The following SVOP variants were observed in gnomAD, a reference collection of about 807,000 sequenced individuals.
SVOP encodes the protein synaptic vesicle 2-related protein.
SVOP carries 17 observed loss-of-function variants against 69.1 expected under a neutral mutation model. The observed-to-expected ratio is 0.25, with a 90% CI of 0.17 to 0.37. The LOEUF is 0.37. SVOP is among the 10% of genes least tolerant of loss of function. The pLI is 1.00. For synonymous variants in SVOP, 238 were observed against 238.6 expected, an observed-to-expected ratio of 1.00 and a Z score of 0.02; for missense variants, 435 against 597.5, an observed-to-expected ratio of 0.73 and a Z score of 2.84.
At chr12:108,953,465 TAA>T (rs917398048) in intron 6 of SVOP, among the ~76,000 whole-genome samples, 2 of 152,224 alleles carry the variant, frequency 1.3e-5, no homozygotes, top group Non-Finnish European at 2.9e-5. Flanking sequence ...CATTTATACT[TAA>T]AATTCAGAGT....
chr12:108,927,172 T>C (rs966616498), intron 11 of SVOP, among the ~76,000 whole-genome samples: 2 of 152,146 alleles, frequency 1.3e-5, no homozygotes, highest in African/African-American at 4.8e-5. Context: ...GGAACTGGTG[T>C]AGGAAAATGC....
chr12:108,978,289 C>G (rs1200635218), intron 3 of SVOP: 1 of 347,226 alleles, frequency 2.9e-6, no homozygotes, highest in Non-Finnish European at 5.2e-6. Flanking sequence ...GAGAGCTCTA[C>G]AGCTGACATC....
chr12:108,964,611 G>A (rs150573605), intron 5 of SVOP, among the ~76,000 whole-genome samples: 1 of 152,232 alleles, frequency 6.6e-6, no homozygotes, highest in East Asian at 1.9e-4. Flanking sequence ...CAAAATGAGG[G>A]CTCAGCAACC....
intron 8 of SVOP, among the ~76,000 whole-genome samples, chr12:108,940,127 A>G (rs2039882160): frequency 6.6e-6 from 1 of 152,182 alleles, no homozygotes; most frequent in Non-Finnish European, 1.5e-5. Context: ...TATTGGGAGG[A>G]ATAAATATGA....
At chr12:108,953,015 G>A (rs2039965078) in intron 6 of SVOP, among the ~76,000 whole-genome samples, 2 of 152,028 alleles carry the variant, frequency 1.3e-5, no homozygotes, top group Admixed American at 1.3e-4. Flanking sequence ...CACTTGGTAA[G>A]CTCCATTATT....
At chr12:108,964,176 G>A (rs1208970719) in intron 5 of SVOP, among the ~76,000 whole-genome samples, 2 of 151,848 alleles carry the variant, frequency 1.3e-5, no homozygotes, top group South Asian at 2.1e-4. Flanking sequence ...GCAACATAGC[G>A]AGACCCTTGG....
At chr12:108,936,769 GC>G (rs2039858625) in intron 10 of SVOP, among the ~76,000 whole-genome samples, 1 of 152,138 alleles carries the variant, frequency 6.6e-6, no homozygotes, top group African/African-American at 2.4e-5. Context: ...GAGCCACCAT[GC>G]CCAGCCAGCC....
chr12:108,952,349 C>T (rs1417016130), intron 6 of SVOP, among the ~76,000 whole-genome samples: 1 of 151,268 alleles, frequency 6.6e-6, no homozygotes, highest in African/African-American at 2.4e-5. Flanking sequence ...ATTCTCCTGC[C>T]TCAGCCTCCC....
At chr12:108,960,834 C>T (rs2040013926) in intron 6 of SVOP, 89 bp downstream of exon 6, 1 of 1,458,414 alleles carries the variant, frequency 6.9e-7, no homozygotes, top group South Asian at 1.4e-5. Context: ...CCTGCTGCCC[C>T]ATCTCAGCCC....
Position 108,912,471 on chromosome 12 carries a change from G to T in SVOP, c.*64C>A. ...GTCGGCAGTGACAATCAGTGCCCCA[G>T]TTGGGGCCTGCCAGCCCCCCAAGCT... On this transcript the variant is annotated 3_prime_UTR_variant, in exon 16 of 16. Coordinates refer to ENST00000610966, the MANE Select transcript of SVOP (RefSeq NM_018711.5). The T allele has an allele frequency of 6.2e-7, 1 of 1,604,330 alleles. No homozygotes were observed. The highest frequency in any genetic ancestry group is 8.5e-7 in the Non-Finnish European group (1 of 1,172,786).
rs138987733 is a variant in SVOP at position 108,992,594 on chromosome 12, C to A, written c.36-8833G>T. On this transcript the variant is annotated intron_variant, in intron 1 of 15. Transcript: ENST00000610966. ...AACCTCCTGAAACTACTGACACATG[C>A]TACATTACAGATGAACCTCAAAAAT... Among the ~76,000 whole-genome samples the A allele has an allele frequency of 5.2e-3, 786 of 152,210 alleles. 10 individuals are homozygous for A. The highest frequency in any genetic ancestry group is 0.018 in the African/African-American group (762 of 41,530).
chr12:108,998,649 C>T (rs1362761494), intron 1 of SVOP, among the ~76,000 whole-genome samples: 1 of 151,986 alleles, frequency 6.6e-6, no homozygotes, highest in Admixed American at 6.6e-5. Context: ...AGAGTGGGGG[C>T]CAATATTCAA....
At chr12:108,938,419 G>A (rs1039229257) in intron 9 of SVOP, among the ~76,000 whole-genome samples, 8 of 152,098 alleles carry the variant, frequency 5.3e-5, no homozygotes, top group South Asian at 2.1e-4. Flanking sequence ...CACAGGGTGC[G>A]GTTTGATCCC....
intron 10 of SVOP, among the ~76,000 whole-genome samples, chr12:108,936,177 C>T (rs955861749): frequency 6.6e-6 from 1 of 152,108 alleles, no homozygotes; most frequent in Non-Finnish European, 1.5e-5. Flanking sequence ...TCCCAAGTAG[C>T]TGGGACTACA....
chr12:108,959,351 C>CTTT (rs36192896), intron 6 of SVOP, among the ~76,000 whole-genome samples: 4 of 106,686 alleles, frequency 3.7e-5, no homozygotes, highest in African/African-American at 6.6e-5. Context: ...GCTTTTAATT[C>CTTT]TTTTTTTTTT....
chr12:108,972,833 C>A (rs1022916394), intron 4 of SVOP, among the ~76,000 whole-genome samples: 1 of 152,166 alleles, frequency 6.6e-6, no homozygotes, highest in African/African-American at 2.4e-5. Context: ...AAACACTTGC[C>A]CTGCTGCTGA....
rs2039915095 is a variant in SVOP, at chr12:108,945,122, T to G, written c.623A>C (p.Lys208Thr). ...AEFLPMKARA[K>T]CILLIEVFWA... ...CCTTACCTCAATCAGCAAAATACATTTAGCTCTGGCTTTCATGGGAAGGAA... is the reference window on the plus strand; with the variant it reads ...CCTTACCTCAATCAGCAAAATACATGTAGCTCTGGCTTTCATGGGAAGGAA... Residue 208 changes from lysine to threonine, a missense_variant, in exon 7 of 16, where the codon AAA becomes ACA. By Grantham distance (78) the Lys-to-Thr change is moderately conservative. Coordinates refer to ENST00000610966, the MANE Select transcript of SVOP (RefSeq NM_018711.5). The G allele has an allele frequency of 6.5e-7, 1 of 1,537,080 alleles. No individual in the cohort carries two copies. The highest frequency in any genetic ancestry group is 1.4e-5 in the African/African-American group (1 of 73,138).
intron 15 of SVOP, among the ~76,000 whole-genome samples, chr12:108,915,088 G>T (rs550584610): frequency 6.7e-6 from 1 of 149,832 alleles, no homozygotes; most frequent in Non-Finnish European, 1.5e-5. Flanking sequence ...CAGGAGAATC[G>T]CTTGAACCTG....
intron 4 of SVOP, among the ~76,000 whole-genome samples, chr12:108,976,615 T>TCTC (rs919508325): frequency 9.0e-4 from 28 of 31,148 alleles, no homozygotes; most frequent in Non-Finnish European, 3.9e-3. Context: ...TCTCTCTCTC[T>TCTC]TTTTTTTTTT....
Sources: allele counts gnomAD v4.1 joint callset (sites outside exome capture counted in the v4.1 genomes callset), GRCh38; gene constraint gnomAD v4.1.1; transcripts MANE v1.5; gene names NCBI Gene and HGNC (gene_info 2026-07-23, HGNC 2026-07-21).